SH3YL1: variants seen among roughly 807,000 people sequenced by gnomAD.
The protein encoded by SH3YL1 is SH3 and SYLF domain containing 1.
In SH3YL1, 41 loss-of-function variants were observed where a neutral mutation model predicts 45.8. That is an observed-to-expected ratio of 0.89 (90% CI 0.70 to 1.16). SH3YL1 has a LOEUF of 1.16. SH3YL1 is among the 50% of genes most tolerant of loss of function. SH3YL1 has a pLI of 0.00. For missense variants in SH3YL1, 389 were observed against 409.6 expected, an observed-to-expected ratio of 0.95 and a Z score of 0.43; for synonymous variants, 152 against 151.4, an observed-to-expected ratio of 1.00 and a Z score of -0.03.
At chr2:228,083 G>A (rs1283536831) in intron 8 of SH3YL1, among the ~76,000 whole-genome samples, 10 of 152,122 alleles carry the variant, frequency 6.6e-5, no homozygotes, top group South Asian at 2.1e-4. Context: ...TGATGGTATC[G>A]CATGGAAAAA....
In SH3YL1 at chr2:226,330, T is replaced by C. The variant is rs190801622; in HGVS notation, c.782-1410A>G. ...CAAAACCTATAATATAGATAACATT[T>C]CCATAAATTGAGAAAGCAACAAATA... On this transcript the variant is annotated intron_variant, in intron 8 of 9. Coordinates refer to ENST00000356150, the MANE Select transcript of SH3YL1 (RefSeq NM_015677.4). 2.4e-3 allele frequency among the ~76,000 whole-genome samples: 358 copies of C among 152,246 alleles called. 8 individuals carry two copies. Among genetic ancestry groups the C allele is most frequent in the Admixed American group, 0.022 (331 of 15,288 alleles).
intron 6 of SH3YL1, among the ~76,000 whole-genome samples, chr2:231,525 C>T (rs771909266): frequency 1.3e-5 from 2 of 152,154 alleles, no homozygotes; most frequent in African/African-American, 2.4e-5. Context: ...TAAATATACA[C>T]ACAAGCACAT....
At chr2:243,480 A>T in intron 4 of SH3YL1, 2 of 1,504,598 alleles carry the variant, frequency 1.3e-6, no homozygotes, top group South Asian at 1.3e-5. Flanking sequence ...TTTGAGATTA[A>T]GGAAAATGAA....
Position 228,517 on chromosome 2 carries a change from T to A in SH3YL1, c.781+1449A>T, listed in dbSNP as rs142162143. On this transcript the variant is annotated intron_variant, in intron 8 of 9. Transcript: ENST00000356150. The stretch of plus-strand genomic sequence containing the variant: ...AATGAGAGGATTTCATACATGCATA[T>A]GCAGGTATCCATTCTCAGTGAGGAC... Among the ~76,000 whole-genome samples the A allele has an allele frequency of 3.2e-3, 489 of 152,326 alleles. 5 individuals carry two copies. The highest frequency in any genetic ancestry group is 0.011 in the African/African-American group (465 of 41,578).
rs543877609 is a variant in SH3YL1 at position 247,054 on chromosome 2, C to T, written c.291+484G>A. ...TGAGTGTGCATGTCTGCCCGACAGA[C>T]GCCACAATCCCAGGAGCAACATTAT... On this transcript the variant is annotated intron_variant, in intron 4 of 9. Coordinates refer to ENST00000356150, the MANE Select transcript of SH3YL1 (RefSeq NM_015677.4). Among the ~76,000 whole-genome samples, 200 of 152,258 alleles carry T rather than the reference C, an allele frequency of 1.3e-3. 2 individuals carry two copies. Among genetic ancestry groups the T allele is most frequent in the Admixed American group, 0.013 (197 of 15,294 alleles).
intron 1 of SH3YL1, chr2:263,773 A>G: frequency 2.1e-6 from 1 of 466,814 alleles, no homozygotes; most frequent in Non-Finnish European, 3.9e-6. Flanking sequence ...CTAAAAATGG[A>G]AAAGACGGTG....
intron 4 of SH3YL1, among the ~76,000 whole-genome samples, chr2:237,839 A>T (rs1480745430): frequency 2.6e-5 from 4 of 152,252 alleles, no homozygotes; most frequent in Non-Finnish European, 5.9e-5. Flanking sequence ...AAATTAAAAA[A>T]TAAAACTGAA....
intron 9 of SH3YL1, 102 bp downstream of exon 9, chr2:224,762 G>T: frequency 1.1e-6 from 1 of 869,882 alleles, no homozygotes; most frequent in Non-Finnish European, 1.9e-6. Flanking sequence ...TTAAAGGGCT[G>T]AACACTTCCC....
chr2:228,404 G>C (rs1232458840), intron 8 of SH3YL1, among the ~76,000 whole-genome samples: 2 of 152,134 alleles, frequency 1.3e-5, no homozygotes, highest in African/African-American at 4.8e-5. Context: ...AATTATTAAC[G>C]GAAAGGAATT....
chr2:243,627 A>G (rs1668644728), intron 4 of SH3YL1: 1 of 1,495,174 alleles, frequency 6.7e-7, no homozygotes, highest in Non-Finnish European at 8.9e-7. Flanking sequence ...GACGAAGAAG[A>G]GTTTAACTAA....
chr2:242,785 G>A (rs563258785), intron 4 of SH3YL1: 2 of 1,537,204 alleles, frequency 1.3e-6, no homozygotes, highest in South Asian at 1.2e-5. Flanking sequence ...ACACGCTTTA[G>A]ATTCAAAGTT....
intron 6 of SH3YL1, among the ~76,000 whole-genome samples, chr2:231,418 CCTTT>C (rs1159002982): frequency 1.1e-4 from 16 of 152,196 alleles, no homozygotes; most frequent in Non-Finnish European, 1.8e-4. Context: ...TTATATGTAT[CCTTT>C]CTTTATTAAT....
intron 2 of SH3YL1, among the ~76,000 whole-genome samples, chr2:250,539 T>C (rs1669030182): frequency 6.6e-6 from 1 of 152,230 alleles, no homozygotes; most frequent in Non-Finnish European, 1.5e-5. Context: ...CTGAATATAG[T>C]GCCACACGAT....
At chr2:250,897 T>C (rs1005449029) in intron 2 of SH3YL1, among the ~76,000 whole-genome samples, 1 of 152,210 alleles carries the variant, frequency 6.6e-6, no homozygotes, top group African/African-American at 2.4e-5. Flanking sequence ...CTACTAAGTG[T>C]ACTTTATTTT....
Position 218,191 on chromosome 2 carries a change from T to C in SH3YL1, c.*620A>G, listed in dbSNP as rs1160218516. 6.6e-6 allele frequency: 1 copy of C among 152,174 alleles called. No homozygotes were observed. Among genetic ancestry groups the C allele is most frequent in the Non-Finnish European group, 1.5e-5 (1 of 68,028 alleles). The allele number at this position is 152,174 out of a possible 1,614,324, so 9.4% of individuals were successfully genotyped here. ...ATTTTATTTAGAGACAAGTCTACCA[T>C]GTCACCGTAAGTTTATGCTACTGCT... On this transcript the variant is annotated 3_prime_UTR_variant, in exon 10 of 10. Coordinates refer to ENST00000356150, the MANE Select transcript of SH3YL1 (RefSeq NM_015677.4).
rs759816908 is a variant in SH3YL1 at position 233,224 on chromosome 2, A to C, written c.410T>G (p.Leu137Trp). 1 of 1,568,046 alleles carries C rather than the reference A, an allele frequency of 6.4e-7. No individual in the cohort carries two copies. The highest frequency in any genetic ancestry group is 8.6e-7 in the Non-Finnish European group (1 of 1,156,930). Residue 137 changes from leucine to tryptophan, a missense_variant, in exon 6 of 10, where the codon TTG becomes TGG. Transcript: ENST00000356150. ...GCTTCTCAGGGCCACGTTTCCTTCC[A>C]AGTTCCTGCAAAGCACAAGATTTTG... The part of the protein sequence containing the change: ...TVAVGPLGRN[L>W]EGNVALRSSA...
chr2:236,537 T>C (rs1319366324), intron 4 of SH3YL1, among the ~76,000 whole-genome samples: 1 of 152,164 alleles, frequency 6.6e-6, no homozygotes, highest in Non-Finnish European at 1.5e-5. Flanking sequence ...TTACTCCCTT[T>C]TGCATGCTGT....
intron 8 of SH3YL1, among the ~76,000 whole-genome samples, chr2:227,997 G>C (rs1471159691): frequency 1.3e-5 from 2 of 152,092 alleles, no homozygotes; most frequent in African/African-American, 4.8e-5. Context: ...ATTAAAAGTA[G>C]TCACTAGTTT....
chr2:220,533 GAAGTT>G (rs1342885500), intron 9 of SH3YL1, among the ~76,000 whole-genome samples: 2 of 152,206 alleles, frequency 1.3e-5, no homozygotes, highest in African/African-American at 2.4e-5. Flanking sequence ...AGAAACAACA[GAAGTT>G]AAGTTAAACG....
Sources: gnomAD v4.1 joint callset for allele counts (sites outside exome capture counted in the v4.1 genomes callset) on GRCh38, gnomAD v4.1.1 for gene constraint, MANE v1.5 for transcripts, NCBI Gene and HGNC (gene_info 2026-07-23, HGNC 2026-07-21) for gene names.